CERS5: variants seen among roughly 807,000 people sequenced by gnomAD.
The protein encoded by CERS5 is ceramide synthase 5.
In CERS5, 37 loss-of-function variants were observed where a neutral mutation model predicts 58.9. The observed-to-expected ratio is 0.63, with a 90% CI of 0.48 to 0.83. The LOEUF is 0.83. Among genes scored for constraint, CERS5 ranks in the 40% least tolerant of loss-of-function variants. The pLI, the probability that CERS5 is intolerant of heterozygous loss-of-function variation, is 0.00. For synonymous variants in CERS5, 147 were observed against 177.8 expected, an observed-to-expected ratio of 0.83 and a Z score of 1.38; for missense variants, 398 against 489.3, an observed-to-expected ratio of 0.81 and a Z score of 1.76.
At chr12:50,139,485 A>AAAAACAAAAC (rs777426596) in intron 4 of CERS5, among the ~76,000 whole-genome samples, 3 of 151,658 alleles carry the variant, frequency 2.0e-5, no homozygotes, top group African/African-American at 2.4e-5. Flanking sequence ...CCTGTCTTTA[A>AAAAACAAAAC]AAAACAAAAC....
At chr12:50,133,137 C>T in intron 9 of CERS5, 1 of 1,256,290 alleles carries the variant, frequency 8.0e-7, no homozygotes, top group South Asian at 1.3e-5. Context: ...GCACACTGAG[C>T]AAGTTCTGAG....
intron 1 of CERS5, among the ~76,000 whole-genome samples, chr12:50,155,580 CAAA>C (rs1938475856): frequency 6.6e-6 from 1 of 150,630 alleles, no homozygotes; most frequent in South Asian, 2.1e-4. Flanking sequence ...ACTAAAAATA[CAAA>C]AAAATTAGCC....
intron 1 of CERS5, among the ~76,000 whole-genome samples, chr12:50,147,887 C>G (rs896096556): frequency 6.6e-6 from 1 of 152,098 alleles, no homozygotes; most frequent in South Asian, 2.1e-4. Context: ...AAGTGATCCT[C>G]CCACCTCAGC....
chr12:50,144,620 CAA>C, intron 1 of CERS5: 1 of 443,424 alleles, frequency 2.3e-6, no homozygotes. Context: ...CCTGCCTAAC[CAA>C]GAGATTATGG....
intron 9 of CERS5, 53 bp downstream of exon 9, chr12:50,134,493 G>A: frequency 6.2e-7 from 1 of 1,613,626 alleles, no homozygotes; most frequent in South Asian, 1.1e-5. Context: ...AACGTCTGTT[G>A]AGTAATCCCT....
At chr12:50,136,829 CTTGAG>C (rs759261157) in intron 6 of CERS5, among the ~76,000 whole-genome samples, 2 of 152,170 alleles carry the variant, frequency 1.3e-5, no homozygotes, top group East Asian at 1.9e-4. Context: ...TCTCTAAATA[CTTGAG>C]TTATCAGACA....
intron 1 of CERS5, among the ~76,000 whole-genome samples, chr12:50,157,934 T>A (rs1316555984): frequency 2.0e-5 from 3 of 151,928 alleles, no homozygotes; most frequent in African/African-American, 4.8e-5. Context: ...CAGTGGCACA[T>A]GCCTGTAGTC....
intron 1 of CERS5, among the ~76,000 whole-genome samples, chr12:50,157,701 G>A (rs1051986484): frequency 6.6e-6 from 1 of 151,716 alleles, no homozygotes; most frequent in East Asian, 1.9e-4. Context: ...TATTAGATGA[G>A]GAAAAAAGAA....
intron 1 of CERS5, among the ~76,000 whole-genome samples, chr12:50,162,978 A>G (rs1270391265): frequency 2.0e-5 from 3 of 152,066 alleles, no homozygotes; most frequent in South Asian, 2.1e-4. Context: ...AGTTCATTGC[A>G]GCTTTGAACT....
chr12:50,133,811 C>T (rs984530576), intron 9 of CERS5: 20 of 979,992 alleles, frequency 2.0e-5, no homozygotes, highest in African/African-American at 1.2e-4. Context: ...CGGTGGCTCA[C>T]GCCTGTAATC....
intron 4 of CERS5, 105 bp downstream of exon 4, chr12:50,141,939 CAAAAAAAAA>C: frequency 2.5e-6 from 1 of 404,342 alleles, no homozygotes. Flanking sequence ...GACTCCGTCT[CAAAAAAAAA>C]AAAAAAAAAA....
At chr12:50,148,325 G>T in intron 1 of CERS5, 1 of 161,592 alleles carries the variant, frequency 6.2e-6, no homozygotes, top group Non-Finnish European at 1.4e-5. Flanking sequence ...GCTGTATGCG[G>T]TGGCTCATGC....
At position 50,156,437 on chromosome 12, in the gene CERS5, T is replaced by TATATATATATATATATATATATATATAA. The variant is rs1197474516; in HGVS notation, c.197+10663_197+10664insTTATATATATATATATATATATATATAT. On this transcript the variant is annotated intron_variant, in intron 1 of 9. Coordinates refer to ENST00000317551, the MANE Select transcript of CERS5 (RefSeq NM_147190.5). ...CAAACAAACTATATATATATATATA[T>TATATATATATATATATATATATATATAA]AAAACAATTAGTAGCCAGGTGTGGT... Among the ~76,000 whole-genome samples the TATATATATATATATATATATATATATAA allele has an allele frequency of 4.6e-3, 496 of 108,636 alleles. 43 individuals carry two copies. The highest frequency in any genetic ancestry group is 0.01 in the Middle Eastern group (2 of 196). The allele number at this position is 108,636 out of a possible 152,430, so 71.3% of individuals were successfully genotyped here. A position where few individuals can be genotyped will look rare whatever the true frequency, so the allele number is the denominator to read the frequency against.
rs538985254 is a variant in CERS5 at position 50,156,290 on chromosome 12, G to C, written c.197+10811C>G. 2.7e-5 allele frequency among the ~76,000 whole-genome samples: 4 copies of C among 148,246 alleles called. No individual in the cohort carries two copies. The East Asian group carries it at 7.9e-4, about 29-fold the overall frequency. ...GTGGCAGCGTGCGCCTGTAGTCCCA[G>C]CTGCTGGGGAGGCCAAGGCAGGAGA... On this transcript the variant is annotated intron_variant, in intron 1 of 9. Coordinates refer to ENST00000317551, the MANE Select transcript of CERS5 (RefSeq NM_147190.5).
At chr12:50,141,614 C>T (rs1421491040) in intron 4 of CERS5, among the ~76,000 whole-genome samples, 4 of 151,960 alleles carry the variant, frequency 2.6e-5, no homozygotes, top group Non-Finnish European at 5.9e-5. Context: ...GTGGGCATCA[C>T]AGAGGAAAAG....
Position 50,130,627 on chromosome 12 carries a change from T to C in CERS5, c.1097A>G (p.Lys366Arg), listed in dbSNP as rs1951265740. 6.2e-7 allele frequency: 1 copy of C among 1,612,666 alleles called. No homozygotes were observed. Among genetic ancestry groups the C allele is most frequent in the African/African-American group, 1.3e-5 (1 of 74,918 alleles). The change falls in exon 10 of 10, where the codon AAA (lysine) becomes AGA (arginine). Residue 366 changes from lysine (K) to arginine (R), a missense_variant. By Grantham distance (26) the Lys-to-Arg change is conservative (BLOSUM62 2). Around this residue, in one of 3 missense-constraint regions of CERS5, gnomAD observed 47 missense variants for 50.2 expected, o/e 0.94. Transcript: ENST00000317551. ...SEEEDVTTCT[K>R]SPCDSSSSNG... is the part of the protein sequence containing the mutation. ...GCTGGAGCTACTGTCACAGGGACTT[T>C]TTGTGCAGGTGGTCACATCTTCTTC...
intron 1 of CERS5, among the ~76,000 whole-genome samples, chr12:50,149,887 C>T (rs540132296): frequency 1.3e-5 from 2 of 152,098 alleles, no homozygotes; most frequent in African/African-American, 4.8e-5. Context: ...GGACTACAGG[C>T]GTGCACCACC....
intron 4 of CERS5, among the ~76,000 whole-genome samples, chr12:50,140,059 C>T (rs913462457): frequency 2.0e-5 from 3 of 151,848 alleles, no homozygotes; most frequent in Non-Finnish European, 4.4e-5. Flanking sequence ...CTTACTTTAA[C>T]CTATTTTGCT....
At chr12:50,154,047 A>G in intron 1 of CERS5, 1 of 254,112 alleles carries the variant, frequency 3.9e-6, no homozygotes, top group Non-Finnish European at 8.1e-6. Context: ...GATTCTACCT[A>G]GGAATCAACG....
Sources: gnomAD v4.1 joint callset for allele counts (sites outside exome capture counted in the v4.1 genomes callset) on GRCh38, gnomAD v4.1.1 for gene constraint, gnomAD v4.1.1 regional missense constraint, MANE v1.5 for transcripts, NCBI Gene and HGNC (gene_info 2026-07-23, HGNC 2026-07-21) for gene names.